Variants in VAT1L observed in about 807,000 individuals in gnomAD.
VAT1L encodes the protein vesicle amine transport 1 like.
In VAT1L, 34 loss-of-function variants were observed where a neutral mutation model predicts 44.1. The ratio of observed to expected loss-of-function variants is 0.77; its 90% CI spans 0.59 to 1.03. The LOEUF (loss-of-function observed/expected upper bound fraction) is 1.03, where lower values mean the gene tolerates loss of function less well. Ranked by LOEUF, VAT1L falls within the 50% of genes least tolerant of loss-of-function variation. The pLI is 0.00. For synonymous variants in VAT1L, 253 were observed against 202.2 expected (o/e 1.25, Z -2.13); for missense variants, 615 against 538.8 (o/e 1.14, Z -1.40).
At chr16:77,902,972 G>GAAAAAAAAAAAAAAA (rs11307214) in intron 7 of VAT1L, among the ~76,000 whole-genome samples, 8 of 96,338 alleles carry the variant, frequency 8.3e-5, no homozygotes, top group East Asian at 2.7e-4. Context: ...GACTCTGTCT[G>GAAAAAAAAAAAAAAA]AAAAAAAAAA....
At chr16:77,805,508 T>C (rs1391581015) in intron 1 of VAT1L, among the ~76,000 whole-genome samples, 10 of 151,126 alleles carry the variant, frequency 6.6e-5, no homozygotes, top group Non-Finnish European at 3.0e-5. Context: ...TTGATGAACA[T>C]ATTATCAGCA....
At chr16:77,809,328 C>A (rs1056642710) in intron 1 of VAT1L, among the ~76,000 whole-genome samples, 3 of 152,220 alleles carry the variant, frequency 2.0e-5, no homozygotes, top group African/African-American at 7.2e-5. Flanking sequence ...CAAATCAATT[C>A]TTTTCCTTCC....
chr16:77,896,320 T>C (rs1217099066), intron 7 of VAT1L, among the ~76,000 whole-genome samples: 1 of 152,208 alleles, frequency 6.6e-6, no homozygotes. Context: ...CTCTTGCCAT[T>C]ATCCCAACCC....
rs533426350 is a variant in VAT1L at position 77,979,495 on chromosome 16, C to G, written c.*1800C>G. The G allele has an allele frequency of 5.9e-5, 9 of 152,286 alleles. No homozygotes were observed. In the South Asian group the frequency reaches 6.2e-4, roughly 11 times the overall value. 9.4% of individuals were successfully genotyped at this position (152,286 alleles called of 1,614,324 possible). On this transcript the variant is annotated 3_prime_UTR_variant, in exon 9 of 9. Transcript: ENST00000302536. ...GCTGAAAAGGGGGTCTTAGGGAGAA[C>G]TGTCATCCAAGTGGCATTCCTAGTA... is the stretch of plus-strand genomic sequence containing the variant.
rs536301403 is a variant in VAT1L at position 77,862,117 on chromosome 16, A to C, written c.580-631A>C. 2.0e-5 allele frequency among the ~76,000 whole-genome samples: 3 copies of C among 152,308 alleles called. No individual in the cohort carries two copies. In the East Asian group the frequency reaches 5.8e-4, roughly 29 times the overall value. On this transcript the variant is annotated intron_variant, in intron 3 of 8. Transcript: ENST00000302536. ...AAGTCTTGGTGCTTGGATTCGCCTG[A>C]TTCCCATTGACTTTCCTCTATGCCA... is the stretch of plus-strand genomic sequence containing the variant.
At chr16:77,971,261 C>T (rs2018275094) in intron 7 of VAT1L, among the ~76,000 whole-genome samples, 1 of 152,172 alleles carries the variant, frequency 6.6e-6, no homozygotes, top group South Asian at 2.1e-4. Context: ...CACCTGTTGG[C>T]CTGGCAAGCC....
intron 1 of VAT1L, among the ~76,000 whole-genome samples, chr16:77,795,289 G>A (rs957816290): frequency 3.5e-5 from 5 of 142,950 alleles, no homozygotes; most frequent in Admixed American, 2.1e-4. Context: ...GGGGCGGGGG[G>A]AAAGATTGAG....
At chr16:77,861,079 C>G (rs977533333) in intron 3 of VAT1L, among the ~76,000 whole-genome samples, 7 of 152,188 alleles carry the variant, frequency 4.6e-5, no homozygotes, top group Non-Finnish European at 8.8e-5. Flanking sequence ...TCTTCCAACT[C>G]TGACATTCTG....
intron 5 of VAT1L, among the ~76,000 whole-genome samples, chr16:77,878,301 C>T (rs2142455409): frequency 6.6e-6 from 1 of 152,122 alleles, no homozygotes; most frequent in South Asian, 2.1e-4. Context: ...ACTAGTTTAC[C>T]CAGGCTAAAT....
chr16:77,900,825 C>T (rs1008360958), intron 7 of VAT1L, among the ~76,000 whole-genome samples: 11 of 152,144 alleles, frequency 7.2e-5, no homozygotes, highest in Admixed American at 7.2e-4. Context: ...TTTTCCCTCT[C>T]TGACCACCAC....
At chr16:77,898,124 T>G (rs562848003) in intron 7 of VAT1L, among the ~76,000 whole-genome samples, 1 of 152,168 alleles carries the variant, frequency 6.6e-6, no homozygotes, top group African/African-American at 2.4e-5. Context: ...ATCTCTGCCT[T>G]CATCTTCACA....
At chr16:77,956,300 T>C (rs2142529561) in intron 7 of VAT1L, among the ~76,000 whole-genome samples, 1 of 152,306 alleles carries the variant, frequency 6.6e-6, no homozygotes, top group East Asian at 1.9e-4. Flanking sequence ...AACCTCATTC[T>C]CATCTCGACT....
chr16:77,805,290 TGAG>T (rs1168244435), intron 1 of VAT1L, among the ~76,000 whole-genome samples: 1 of 152,164 alleles, frequency 6.6e-6, no homozygotes, highest in Non-Finnish European at 1.5e-5. Flanking sequence ...CCCACAGTCT[TGAG>T]ATAACAAAAC....
chr16:77,939,161 C>T (rs115734886), intron 7 of VAT1L, among the ~76,000 whole-genome samples: 162 of 152,306 alleles, frequency 1.1e-3, no homozygotes, highest in African/African-American at 3.2e-3. Context: ...GAATTCGTGA[C>T]GACCTCTCCA....
intron 7 of VAT1L, among the ~76,000 whole-genome samples, chr16:77,940,255 G>C (rs555811510): frequency 2.6e-5 from 4 of 151,408 alleles, no homozygotes; most frequent in African/African-American, 9.7e-5. Context: ...CTACAAATGT[G>C]CTATCAACTG....
At chr16:77,816,823 G>A in intron 1 of VAT1L, 98 bp from the exon 2 acceptor site, 2 of 1,399,784 alleles carry the variant, frequency 1.4e-6, no homozygotes, top group East Asian at 2.5e-5. Flanking sequence ...AAGGGAGGGA[G>A]GAAAGGAGGA....
chr16:77,829,015 C>T (rs946055754), intron 3 of VAT1L, among the ~76,000 whole-genome samples: 2 of 152,166 alleles, frequency 1.3e-5, no homozygotes, highest in Non-Finnish European at 2.9e-5. Context: ...CTCTCTCCCT[C>T]CCTTTTCATT....
intron 4 of VAT1L, among the ~76,000 whole-genome samples, chr16:77,872,470 A>G (rs79939479): frequency 6.6e-6 from 1 of 152,158 alleles, no homozygotes; most frequent in East Asian, 1.9e-4. Flanking sequence ...CAGGAACGCA[A>G]TTACCCAGCC....
At chr16:77,826,431 T>C (rs2016524026) in intron 3 of VAT1L, among the ~76,000 whole-genome samples, 1 of 152,236 alleles carries the variant, frequency 6.6e-6, no homozygotes, top group South Asian at 2.1e-4. Context: ...TTCTGCTATA[T>C]TTTCTTGAGT....
Sources: allele counts gnomAD v4.1 joint callset (sites outside exome capture counted in the v4.1 genomes callset), GRCh38; gene constraint gnomAD v4.1.1; transcripts MANE v1.5; gene names NCBI Gene and HGNC (gene_info 2026-07-23, HGNC 2026-07-21).